Variants in PROSER2 observed in about 807,000 individuals in gnomAD.
PROSER2 encodes proline and serine rich 2, also known as proline and serine-rich protein 2.
Under a neutral mutation model 14.6 loss-of-function variants are expected in PROSER2, and 18 were observed. The ratio of observed to expected loss-of-function variants is 1.23; its 90% CI spans 0.85 to 1.83. The LOEUF (loss-of-function observed/expected upper bound fraction) is 1.83. Ranked by LOEUF, PROSER2 falls within the 40% of genes most tolerant of loss-of-function variation. The pLI, the probability that PROSER2 is intolerant of heterozygous loss-of-function variation, is 0.00. For synonymous variants in PROSER2, 367 were observed against 286.4 expected (o/e 1.28, Z -2.84); for missense variants, 823 against 629.8 (o/e 1.31, Z -3.28).
intron 2 of PROSER2, among the ~76,000 whole-genome samples, chr10:11,854,783 G>A (rs2131074993): frequency 6.6e-6 from 1 of 152,214 alleles, no homozygotes; most frequent in African/African-American, 2.4e-5. Flanking sequence ...GATTTTCACA[G>A]AGCCGCACTT....
rs1834455751 is a variant in PROSER2, at chr10:11,870,280, C to G, written c.1182C>G (p.Asp394Glu). 7.4e-6 allele frequency: 11 copies of G among 1,492,660 alleles called. No homozygotes were observed. Among genetic ancestry groups the G allele is most frequent in the Non-Finnish European group, 9.7e-6 (11 of 1,128,628 alleles). 92.5% of individuals were successfully genotyped at this position (1,492,660 alleles called of 1,614,324 possible). Residue 394 changes from aspartate (D) to glutamate (E), a missense_variant, in exon 4 of 4, where the codon GAC (aspartate) becomes GAG (glutamate). Physicochemically the swap from Asp to Glu is conservative, Grantham distance 45 (BLOSUM62 2). Transcript: ENST00000277570. ...CCCGGCAGCCCAACGGCGCCCAGGA[C>G]TGGCGCCGCGCAGACTCCCTGCCCC... ...PGPRQPNGAQ[D>E]WRRADSLPRP...
chr10:11,867,579 G>A (rs999722878), intron 3 of PROSER2, among the ~76,000 whole-genome samples: 7 of 152,178 alleles, frequency 4.6e-5, no homozygotes, highest in African/African-American at 7.2e-5. Flanking sequence ...AGCTGAGATC[G>A]TGCTACTGCA....
intron 1 of PROSER2, among the ~76,000 whole-genome samples, chr10:11,828,776 G>A (rs972550692): frequency 2.6e-5 from 4 of 152,124 alleles, no homozygotes; most frequent in Non-Finnish European, 5.9e-5. Flanking sequence ...TTCCTAACAC[G>A]CTGGGAATAC....
At chr10:11,855,123 C>T (rs1010125796) in intron 2 of PROSER2, among the ~76,000 whole-genome samples, 5 of 142,656 alleles carry the variant, frequency 3.5e-5, no homozygotes, top group Non-Finnish European at 6.1e-5. Context: ...AAGAAAACCT[C>T]GTTCTCATTT....
intron 1 of PROSER2, among the ~76,000 whole-genome samples, chr10:11,845,659 G>C (rs1408318021): frequency 6.6e-6 from 1 of 151,984 alleles, no homozygotes; most frequent in Non-Finnish European, 1.5e-5. Flanking sequence ...GGGAAAGGGA[G>C]GGAGCTGTGG....
Position 11,852,459 on chromosome 10 carries a change from C to T in PROSER2, c.138+244C>T, listed in dbSNP as rs116665787. Among the ~76,000 whole-genome samples, 1,287 of 152,174 alleles carry T rather than the reference C, an allele frequency of 8.5e-3. 20 individuals are homozygous for T. Among genetic ancestry groups the T allele is most frequent in the African/African-American group, 0.029 (1,212 of 41,520 alleles). On this transcript the variant is annotated intron_variant, in intron 2 of 3. Transcript: ENST00000277570. ...GGCCAGTAACTCATGGCTGCTTAGA[C>T]GTAGATAGGACCAGGCCCGGGGCAG... is the stretch of plus-strand genomic sequence containing the variant.
chr10:11,864,814 C>G (rs1243716069), intron 2 of PROSER2, among the ~76,000 whole-genome samples: 1 of 152,152 alleles, frequency 6.6e-6, no homozygotes, highest in Non-Finnish European at 1.5e-5. Context: ...GGCTCGAACT[C>G]TGGAGCTCGA....
At position 11,840,976 on chromosome 10, in the gene PROSER2, A is replaced by G. The variant is rs1373636350; in HGVS notation, c.-81-11021A>G. On this transcript the variant is annotated intron_variant, in intron 1 of 3. Coordinates refer to ENST00000277570, the MANE Select transcript of PROSER2 (RefSeq NM_153256.4). ...AAAAAATATATATATATATATATAT[A>G]TATATATATATATATGATGGTGGGG... Among the ~76,000 whole-genome samples the G allele has an allele frequency of 3.8e-3, 412 of 108,600 alleles. 16 individuals carry two copies. Among genetic ancestry groups the G allele is most frequent in the African/African-American group, 0.015 (388 of 25,364 alleles). The allele number at this position is 108,600 out of a possible 152,430, so 71.2% of individuals were successfully genotyped here. A position where few individuals can be genotyped will look rare whatever the true frequency, so the allele number is the denominator to read the frequency against.
At chr10:11,839,653 C>T (rs1257167310) in intron 1 of PROSER2, among the ~76,000 whole-genome samples, 2 of 151,576 alleles carry the variant, frequency 1.3e-5, no homozygotes, top group African/African-American at 2.4e-5. Flanking sequence ...GGCGAAATCC[C>T]GTCTCTACTA....
Position 11,869,915 on chromosome 10 carries a change from A to G in PROSER2, c.817A>G (p.Arg273Gly), listed in dbSNP as rs1260700031. Residue 273 changes from arginine to glycine, a missense_variant, in exon 4 of 4, where the codon AGG (arginine) becomes GGG (glycine). Coordinates refer to ENST00000277570, the MANE Select transcript of PROSER2 (RefSeq NM_153256.4). This position sits in a 1 kb window ranked among gnomAD's most constrained non-coding sequence, Gnocchi z 4.4. ...AAREPRRTLSRAAVSVQERRA... is the reference protein window; with the variant it reads ...AAREPRRTLSGAAVSVQERRA... Reference sequence around the variant, plus strand: ...CCGGGAGCCCCGCAGGACCCTGTCCAGGGCGGCCGTCAGCGTGCAGGAGCG... The same window carrying G: ...CCGGGAGCCCCGCAGGACCCTGTCCGGGGCGGCCGTCAGCGTGCAGGAGCG... 1.9e-6 allele frequency: 3 copies of G among 1,573,204 alleles called. No homozygotes were observed. In the Admixed American group the frequency reaches 5.5e-5, roughly 29 times the overall value.
intron 1 of PROSER2, among the ~76,000 whole-genome samples, chr10:11,828,682 G>T (rs1482758673): frequency 6.6e-6 from 1 of 152,130 alleles, no homozygotes; most frequent in African/African-American, 2.4e-5. Flanking sequence ...CAACCTGGAC[G>T]ACAGAGCGAG....
rs1834486402 is a variant in PROSER2, at chr10:11,871,360, ATCC to A, written c.*957_*959del. Reference sequence around the variant, plus strand: ...TATTTTGGTGAACCAAAAGTGCTTTATCCTCAACAAAATGTTCCTCTGTTCCCA... The same window carrying A: ...TATTTTGGTGAACCAAAAGTGCTTTATCAACAAAATGTTCCTCTGTTCCCA... On this transcript the variant is annotated 3_prime_UTR_variant, in exon 4 of 4. Coordinates refer to ENST00000277570, the MANE Select transcript of PROSER2 (RefSeq NM_153256.4). 1 of 152,238 alleles carries A rather than the reference ATCC, an allele frequency of 6.6e-6. No individual in the cohort carries two copies. The highest frequency in any genetic ancestry group is 6.5e-5 in the Admixed American group (1 of 15,276). The allele number at this position is 152,238 out of a possible 1,614,324, so 9.4% of individuals were successfully genotyped here.
At chr10:11,849,445 A>G (rs1833980181) in intron 1 of PROSER2, among the ~76,000 whole-genome samples, 1 of 152,246 alleles carries the variant, frequency 6.6e-6, no homozygotes, top group South Asian at 2.1e-4. Context: ...TGGGTTAAGC[A>G]TCAGTGCATA....
rs1834351967 is a variant in PROSER2 at position 11,866,552 on chromosome 10, C to T, written c.160C>T (p.Leu54Phe). 6.2e-7 allele frequency: 1 copy of T among 1,614,182 alleles called. No individual in the cohort carries two copies. The highest frequency in any genetic ancestry group is 8.5e-7 in the Non-Finnish European group (1 of 1,180,034). ...CTAGGATGATGAGAGCCTGAAGTAC[C>T]TCACCCATGAGGAAAAGGATGTGCT... ...FTLDDESLKY[L>F]THEEKDVLLF... is the part of the protein sequence containing the mutation. The change falls in exon 3 of 4, where the codon CTC becomes TTC. Residue 54 changes from leucine to phenylalanine, a missense_variant. Physicochemically the swap from Leu to Phe is conservative, Grantham distance 22. Coordinates refer to ENST00000277570, the MANE Select transcript of PROSER2 (RefSeq NM_153256.4). The surrounding 1 kb of genome is among the most constrained non-coding windows in gnomAD (Gnocchi z 6.0).
chr10:11,833,973 A>C (rs1833722414), intron 1 of PROSER2, among the ~76,000 whole-genome samples: 1 of 129,004 alleles, frequency 7.8e-6, no homozygotes, highest in Non-Finnish European at 1.6e-5. Context: ...TTCCCAAGTG[A>C]GTAGCTCTTT....
At chr10:11,855,299 C>T (rs1834102774) in intron 2 of PROSER2, among the ~76,000 whole-genome samples, 1 of 151,558 alleles carries the variant, frequency 6.6e-6, no homozygotes, top group Admixed American at 6.6e-5. Flanking sequence ...CGGTGAAACC[C>T]CGTCTCTACT....
chr10:11,829,094 G>T (rs1833655540), intron 1 of PROSER2, among the ~76,000 whole-genome samples: 1 of 152,032 alleles, frequency 6.6e-6, no homozygotes, highest in African/African-American at 2.4e-5. Flanking sequence ...GTAGGTTGCA[G>T]TGGCAGATCT....
intron 1 of PROSER2, among the ~76,000 whole-genome samples, chr10:11,824,745 A>C (rs1833587281): frequency 6.6e-6 from 1 of 152,250 alleles, no homozygotes; most frequent in Non-Finnish European, 1.5e-5. Flanking sequence ...ACAGCACTTC[A>C]AATGAGCTTT....
At chr10:11,848,726 TCTAC>T (rs1164009276) in intron 1 of PROSER2, among the ~76,000 whole-genome samples, 1 of 152,256 alleles carries the variant, frequency 6.6e-6, no homozygotes, top group Non-Finnish European at 1.5e-5. Flanking sequence ...TGCACCTCTC[TCTAC>T]CTGTTTTGCA....
Sources: allele counts gnomAD v4.1 joint callset (sites outside exome capture counted in the v4.1 genomes callset), GRCh38; gene constraint gnomAD v4.1.1; non-coding constraint Gnocchi (gnomAD v3.1); transcripts MANE v1.5; gene names NCBI Gene and HGNC (gene_info 2026-07-23, HGNC 2026-07-21).